The following SLC16A7 variants were observed in gnomAD, a reference collection of about 807,000 sequenced individuals.
The protein encoded by SLC16A7 is monocarboxylate transporter 2.
In SLC16A7, 33 loss-of-function variants were observed where a neutral mutation model predicts 34.9. The observed-to-expected ratio is 0.94, with a 90% CI of 0.72 to 1.26. The LOEUF is 1.26. SLC16A7 is among the 50% of genes most tolerant of loss of function. The pLI is 0.00. For missense variants in SLC16A7, 573 were observed against 578.1 expected, an observed-to-expected ratio of 0.99 and a Z score of 0.09; for synonymous variants, 201 against 206.6, an observed-to-expected ratio of 0.97 and a Z score of 0.23.
chr12:59,728,619 G>A (rs1234607633), intron 3 of SLC16A7, among the ~76,000 whole-genome samples: 1 of 152,174 alleles, frequency 6.6e-6, no homozygotes, highest in African/African-American at 2.4e-5. Flanking sequence ...TAGCTACTCA[G>A]GAGGCTGAAG....
At chr12:59,614,849 A>T (rs1879369740) in intron 1 of SLC16A7, among the ~76,000 whole-genome samples, 1 of 148,666 alleles carries the variant, frequency 6.7e-6, no homozygotes, top group Admixed American at 6.7e-5. Flanking sequence ...AAAAAAAAAA[A>T]AAAATTAGCC....
At chr12:59,779,200 T>C (rs943709387) in intron 5 of SLC16A7, among the ~76,000 whole-genome samples, 1 of 152,082 alleles carries the variant, frequency 6.6e-6, no homozygotes, top group Non-Finnish European at 1.5e-5. Context: ...AGAGAAATAA[T>C]TTTTAGTAAA....
chr12:59,780,127 C>G lies in SLC16A7; in HGVS notation c.*448C>G, dbSNP rs4385933. The G allele has an allele frequency of 6.4e-6, 1 of 155,954 alleles. No homozygotes were observed. The highest frequency in any genetic ancestry group is 1.9e-4 in the South Asian group (1 of 5,212). 9.7% of individuals were successfully genotyped at this position (155,954 alleles called of 1,614,324 possible). A position where few individuals can be genotyped will look rare whatever the true frequency, so the allele number is the denominator to read the frequency against. ...GTTGAGAGACAATTAATTATCCCCT[C>G]TTACACACAAACACACATACTCCCA... On this transcript the variant is annotated 3_prime_UTR_variant, in exon 6 of 6. Coordinates refer to ENST00000547379, the MANE Select transcript of SLC16A7 (RefSeq NM_001270623.2).
chr12:59,759,950 C>G (rs112936689), intron 3 of SLC16A7, among the ~76,000 whole-genome samples: 4,614 of 139,004 alleles, frequency 0.033, 152 homozygotes, highest in African/African-American at 0.086. Flanking sequence ...AAATAGATGG[C>G]CTCTGATCTT....
chr12:59,759,395 TA>T (rs1488480946), intron 3 of SLC16A7, among the ~76,000 whole-genome samples: 1 of 152,000 alleles, frequency 6.6e-6, no homozygotes, highest in Non-Finnish European at 1.5e-5. Flanking sequence ...GCATTTTTCT[TA>T]AAACCTCTTG....
At chr12:59,627,632 T>C (rs889867978) in intron 1 of SLC16A7, among the ~76,000 whole-genome samples, 12 of 151,864 alleles carry the variant, frequency 7.9e-5, no homozygotes, top group African/African-American at 2.9e-4. Context: ...CAGTTCCCAT[T>C]CTTTTTTATA....
chr12:59,713,811 A>G (rs1156263793), intron 3 of SLC16A7, among the ~76,000 whole-genome samples: 1 of 152,238 alleles, frequency 6.6e-6, no homozygotes, highest in Non-Finnish European at 1.5e-5. Context: ...AAAACTATAC[A>G]TAATTTCACT....
At chr12:59,653,542 T>A (rs147001513) in intron 1 of SLC16A7, among the ~76,000 whole-genome samples, 1 of 151,742 alleles carries the variant, frequency 6.6e-6, no homozygotes, top group Non-Finnish European at 1.5e-5. Context: ...TAAATTTTAG[T>A]TATTGTGGTA....
chr12:59,714,436 G>T (rs1874635719), intron 3 of SLC16A7, among the ~76,000 whole-genome samples: 1 of 152,210 alleles, frequency 6.6e-6, no homozygotes, highest in East Asian at 1.9e-4. Flanking sequence ...AAATCAAGGT[G>T]CCAGTAGGGC....
At chr12:59,599,704 G>A (rs754873213) in intron 1 of SLC16A7, among the ~76,000 whole-genome samples, 8 of 152,176 alleles carry the variant, frequency 5.3e-5, no homozygotes, top group Non-Finnish European at 1.2e-4. Flanking sequence ...ATTACATTCT[G>A]TTATTGCCCT....
chr12:59,626,566 A>C (rs1409694915), intron 1 of SLC16A7, among the ~76,000 whole-genome samples: 1 of 151,780 alleles, frequency 6.6e-6, no homozygotes, highest in Non-Finnish European at 1.5e-5. Context: ...TAAATACAGT[A>C]GATCCTGACT....
chr12:59,609,860 A>G (rs746163177), intron 1 of SLC16A7, among the ~76,000 whole-genome samples: 5 of 152,142 alleles, frequency 3.3e-5, no homozygotes, highest in Non-Finnish European at 5.9e-5. Flanking sequence ...TCCAGTTTAT[A>G]CACTCAGATT....
At chr12:59,729,824 G>A (rs1430815831) in intron 3 of SLC16A7, among the ~76,000 whole-genome samples, 1 of 152,180 alleles carries the variant, frequency 6.6e-6, no homozygotes, top group Non-Finnish European at 1.5e-5. Flanking sequence ...CTGTTCAATA[G>A]CACAATGTGG....
chr12:59,598,262 G>A (rs940441309), intron 1 of SLC16A7, among the ~76,000 whole-genome samples: 1 of 152,180 alleles, frequency 6.6e-6, no homozygotes, highest in African/African-American at 2.4e-5. Context: ...CCTTTTTCTT[G>A]TCTATAAAAT....
intron 2 of SLC16A7, among the ~76,000 whole-genome samples, chr12:59,671,809 GTA>G (rs201856693): frequency 0.013 from 1,824 of 135,408 alleles, 27 homozygotes; most frequent in African/African-American, 0.025. Flanking sequence ...GTATATATGT[GTA>G]TATATATGTG....
intron 2 of SLC16A7, among the ~76,000 whole-genome samples, chr12:59,666,529 G>C (rs1869219643): frequency 6.6e-6 from 1 of 152,140 alleles, no homozygotes; most frequent in Non-Finnish European, 1.5e-5. Flanking sequence ...GGAGGGACCT[G>C]GTGGGAGGTA....
intron 2 of SLC16A7, among the ~76,000 whole-genome samples, chr12:59,655,972 T>C (rs1565633178): frequency 6.6e-6 from 1 of 152,074 alleles, no homozygotes; most frequent in Non-Finnish European, 1.5e-5. Context: ...TAGTCTATAC[T>C]CTTTCAAATG....
At chr12:59,615,134 G>A (rs948276953) in intron 1 of SLC16A7, among the ~76,000 whole-genome samples, 20 of 152,258 alleles carry the variant, frequency 1.3e-4, no homozygotes, top group Admixed American at 2.0e-4. Context: ...CAGCAACAAA[G>A]TACTATCCTG....
intron 1 of SLC16A7, among the ~76,000 whole-genome samples, chr12:59,638,092 A>G (rs898197490): frequency 6.6e-6 from 1 of 152,086 alleles, no homozygotes; most frequent in East Asian, 1.9e-4. Flanking sequence ...TTCATTTTGT[A>G]AGCTGTCTAT....
Sources: allele counts gnomAD v4.1 joint callset (sites outside exome capture counted in the v4.1 genomes callset), GRCh38; gene constraint gnomAD v4.1.1; transcripts MANE v1.5; gene names NCBI Gene and HGNC (gene_info 2026-07-23, HGNC 2026-07-21).